The following MGAT5 variants were observed in gnomAD, a reference collection of about 807,000 sequenced individuals.
The protein encoded by MGAT5 is alpha-1,6-mannosylglycoprotein 6-beta-N-acetylglucosaminyltransferase.
A neutral mutation model predicts 94.3 loss-of-function variants in MGAT5; 30 were observed. The ratio of observed to expected loss-of-function variants is 0.32; its 90% CI spans 0.24 to 0.43. MGAT5 has a LOEUF of 0.43. MGAT5 is among the 20% of genes least tolerant of loss of function. The pLI, the probability that MGAT5 is intolerant of heterozygous loss-of-function variation, is 1.00. For synonymous variants in MGAT5, 310 were observed against 322.9 expected (o/e 0.96, Z 0.43); for missense variants, 691 against 905.5 (o/e 0.76, Z 3.04).
chr2:134,395,170 G>A (rs1475071194), intron 10 of MGAT5, among the ~76,000 whole-genome samples: 9 of 152,182 alleles, frequency 5.9e-5, no homozygotes, highest in South Asian at 2.1e-4. Flanking sequence ...ATCATTATCC[G>A]TAAGTGACTG....
chr2:134,153,497 G>A (rs921058768), intron 1 of MGAT5, among the ~76,000 whole-genome samples: 2 of 152,210 alleles, frequency 1.3e-5, no homozygotes, highest in Non-Finnish European at 2.9e-5. Context: ...GGTTCTTGGT[G>A]TCACATGGTG....
chr2:134,260,858 A>C (rs1371320041), intron 1 of MGAT5, among the ~76,000 whole-genome samples: 13 of 152,162 alleles, frequency 8.5e-5, no homozygotes, highest in African/African-American at 3.1e-4. Flanking sequence ...GTGTCTGAGA[A>C]GGCTTTTAGT....
chr2:134,147,237 C>T (rs1686961357), intron 1 of MGAT5, among the ~76,000 whole-genome samples: 1 of 152,142 alleles, frequency 6.6e-6, no homozygotes, highest in Non-Finnish European at 1.5e-5. Context: ...GGGAAAAGAA[C>T]CCAGTGCTGT....
At chr2:134,138,052 C>T (rs1374694787) in intron 1 of MGAT5, among the ~76,000 whole-genome samples, 4 of 149,958 alleles carry the variant, frequency 2.7e-5, no homozygotes, top group South Asian at 4.2e-4. Context: ...AGGGCAGTGG[C>T]GCTGGTCACT....
At chr2:134,126,870 GTCT>G (rs1462124363) in intron 1 of MGAT5, among the ~76,000 whole-genome samples, 1 of 151,578 alleles carries the variant, frequency 6.6e-6, no homozygotes, top group Non-Finnish European at 1.5e-5. Context: ...TTTGGTATCA[GTCT>G]TCTTGCAGCT....
At chr2:134,275,578 CTTTTTTTTTTTTTTT>C (rs11409592) in intron 2 of MGAT5, among the ~76,000 whole-genome samples, 1 of 79,594 alleles carries the variant, frequency 1.3e-5, no homozygotes, top group Non-Finnish European at 2.2e-5. Context: ...GTGCTATTTC[CTTTTTTTTTTTTTTT>C]TTTTTTTTTT....
At chr2:134,386,308 G>GA (rs1000277979) in intron 10 of MGAT5, among the ~76,000 whole-genome samples, 1 of 152,008 alleles carries the variant, frequency 6.6e-6, no homozygotes, top group Non-Finnish European at 1.5e-5. Context: ...AGACTACATA[G>GA]AAAAAAATCA....
chr2:134,151,369 T>C (rs1456208251), intron 1 of MGAT5, among the ~76,000 whole-genome samples: 1 of 101,452 alleles, frequency 9.9e-6, no homozygotes, highest in African/African-American at 4.1e-5. Flanking sequence ...CACTCACCCA[T>C]GCCCTGTGGG....
chr2:134,355,975 A>G (rs977606555), intron 9 of MGAT5, among the ~76,000 whole-genome samples: 3 of 152,210 alleles, frequency 2.0e-5, no homozygotes, highest in African/African-American at 7.2e-5. Flanking sequence ...TAACAGCCTC[A>G]CTTTTCATAT....
At chr2:134,153,538 A>G (rs923571164) in intron 1 of MGAT5, among the ~76,000 whole-genome samples, 1 of 152,194 alleles carries the variant, frequency 6.6e-6, no homozygotes, top group Non-Finnish European at 1.5e-5. Flanking sequence ...AAACAAAGAA[A>G]TAAAACCCTT....
intron 12 of MGAT5, 67 bp from the exon 13 acceptor site, chr2:134,422,736 G>A (rs998254879): frequency 8.6e-6 from 10 of 1,162,018 alleles, no homozygotes; most frequent in African/African-American, 7.6e-5. Context: ...AAAAAGCATA[G>A]CACTCCATCT....
chr2:134,132,230 C>A (rs945182588), intron 1 of MGAT5, among the ~76,000 whole-genome samples: 1 of 152,024 alleles, frequency 6.6e-6, no homozygotes, highest in South Asian at 2.1e-4. Flanking sequence ...TTGTATCTGC[C>A]CCTTTTTCCC....
chr2:134,241,530 A>C (rs970168418), intron 1 of MGAT5, among the ~76,000 whole-genome samples: 7 of 152,232 alleles, frequency 4.6e-5, no homozygotes, highest in African/African-American at 1.4e-4. Flanking sequence ...TTGACAAATT[A>C]TACTTTTTTA....
intron 1 of MGAT5, among the ~76,000 whole-genome samples, chr2:134,123,037 A>G (rs1243981425): frequency 6.6e-6 from 1 of 152,242 alleles, no homozygotes; most frequent in Non-Finnish European, 1.5e-5. Flanking sequence ...GTGTGTGCAT[A>G]TGTACATGCA....
rs1686098263 is a variant in MGAT5 at position 134,451,324 on chromosome 2, T to C, written c.*2477T>C. On this transcript the variant is annotated 3_prime_UTR_variant, in exon 16 of 16. Coordinates refer to ENST00000281923, the MANE Select transcript of MGAT5 (RefSeq NM_002410.5). ...CTCTTTCATCCCCCCCAGTCCAGTATTGAGTGGAAGTGCGCCGGAGTTCCA... is the reference window on the plus strand; with the variant it reads ...CTCTTTCATCCCCCCCAGTCCAGTACTGAGTGGAAGTGCGCCGGAGTTCCA... 1 of 152,242 alleles carries C rather than the reference T, an allele frequency of 6.6e-6. No individual in the cohort carries two copies. Among genetic ancestry groups the C allele is most frequent in the Non-Finnish European group, 1.5e-5 (1 of 68,090 alleles). The allele number at this position is 152,242 out of a possible 1,614,324, so 9.4% of individuals were successfully genotyped here.
Position 134,448,988 on chromosome 2 carries a change from C to A in MGAT5, c.*141C>A. Reference sequence around the variant, plus strand: ...CGTAGAAGGTTCTGAATTGGCATTGCCCTTGCTGCACTCCGAGCAACCCAG... The same window carrying A: ...CGTAGAAGGTTCTGAATTGGCATTGACCTTGCTGCACTCCGAGCAACCCAG... On this transcript the variant is annotated 3_prime_UTR_variant, in exon 16 of 16. Coordinates refer to ENST00000281923, the MANE Select transcript of MGAT5 (RefSeq NM_002410.5). The A allele has an allele frequency of 4.9e-6, 4 of 810,364 alleles. No homozygotes were observed. The highest frequency in any genetic ancestry group is 7.7e-6 in the Non-Finnish European group (4 of 517,884). The allele number at this position is 810,364 out of a possible 1,614,324, so 50.2% of individuals were successfully genotyped here.
At chr2:134,238,310 A>T (rs947460883) in intron 1 of MGAT5, among the ~76,000 whole-genome samples, 1 of 152,188 alleles carries the variant, frequency 6.6e-6, no homozygotes, top group African/African-American at 2.4e-5. Context: ...ATTGGAAGAG[A>T]GAAAGTCTGT....
At chr2:134,171,341 G>C (rs1558968584) in intron 1 of MGAT5, among the ~76,000 whole-genome samples, 2 of 151,948 alleles carry the variant, frequency 1.3e-5, no homozygotes, top group Non-Finnish European at 2.9e-5. Context: ...TATATATTTG[G>C]GACTGTGTGT....
At chr2:134,381,476 GGT>G in intron 10 of MGAT5, among the ~76,000 whole-genome samples, 2 of 149,520 alleles carry the variant, frequency 1.3e-5, no homozygotes, top group African/African-American at 4.9e-5. Flanking sequence ...TAGGTAGGTA[GGT>G]AGAGAAATAG....
Sources: gnomAD v4.1 joint callset for allele counts (sites outside exome capture counted in the v4.1 genomes callset) on GRCh38, gnomAD v4.1.1 for gene constraint, MANE v1.5 for transcripts, NCBI Gene and HGNC (gene_info 2026-07-23, HGNC 2026-07-21) for gene names.